IARS2: variants seen among roughly 807,000 people sequenced by gnomAD.
IARS2 encodes the protein isoleucyl-tRNA synthetase 2, mitochondrial, also known as isoleucine--tRNA ligase, mitochondrial.
Under a neutral mutation model 126.3 loss-of-function variants are expected in IARS2, and 56 were observed. The ratio of observed to expected loss-of-function variants is 0.44; its 90% CI spans 0.36 to 0.55. IARS2 has a LOEUF of 0.55. IARS2 is among the 20% of genes least tolerant of loss of function. The pLI, the probability that IARS2 is intolerant of heterozygous loss-of-function variation, is 0.00. For missense variants in IARS2, 1,127 were observed against 1,245.9 expected (o/e 0.90, Z 1.44); for synonymous variants, 407 against 441.1 (o/e 0.92, Z 0.97).
At chr1:220,140,332 G>A (rs1657460217) in intron 19 of IARS2, 43 bp downstream of exon 19, 4 of 1,214,970 alleles carry the variant, frequency 3.3e-6, no homozygotes, top group African/African-American at 3.0e-5. Context: ...ATGGCCAGGT[G>A]TGGTGACTCA....
chr1:220,100,537 A>G lies in IARS2; in HGVS notation c.438A>G (p.Lys146=), dbSNP rs1265443619. 1 of 1,613,394 alleles carries G rather than the reference A, an allele frequency of 6.2e-7. No individual in the cohort carries two copies. Among genetic ancestry groups the G allele is most frequent in the Admixed American group, 1.7e-5 (1 of 59,922 alleles). ...ANRFHMMNGS[K]IHFVPGWDCH... ...GATTCCATATGATGAATGGCTCCAA[A>G]ATACATTTTGTGCCCGGCTGGGATT... The change falls in exon 3 of 23, where the codon AAA becomes AAG. Residue 146 remains lysine (K), a synonymous_variant. Coordinates refer to ENST00000366922, the MANE Select transcript of IARS2 (RefSeq NM_018060.4).
chr1:220,125,008 A>G (rs1166694215), intron 12 of IARS2, among the ~76,000 whole-genome samples: 1 of 152,224 alleles, frequency 6.6e-6, no homozygotes, highest in Middle Eastern at 3.2e-3. Context: ...TGGATAGAAA[A>G]TAGATGAGTA....
At chr1:220,114,289 GA>G in intron 11 of IARS2, 24 bp from the exon 12 acceptor site, 1 of 1,600,276 alleles carries the variant, frequency 6.2e-7, no homozygotes. Flanking sequence ...TCTCTCACAA[GA>G]CTTGATTTAT....
At chr1:220,146,151 G>A (rs565808175) in intron 22 of IARS2, among the ~76,000 whole-genome samples, 4 of 152,126 alleles carry the variant, frequency 2.6e-5, no homozygotes, top group Admixed American at 6.5e-5. Flanking sequence ...GCATTTTGTC[G>A]ATATTTGTTT....
chr1:220,143,563 CA>C (rs1657530609), intron 21 of IARS2, among the ~76,000 whole-genome samples: 1 of 152,028 alleles, frequency 6.6e-6, no homozygotes, highest in Non-Finnish European at 1.5e-5. Flanking sequence ...ATTTAGAAGA[CA>C]GGGGACATAT....
intron 12 of IARS2, among the ~76,000 whole-genome samples, chr1:220,124,863 A>G (rs1657120775): frequency 6.6e-6 from 1 of 152,182 alleles, no homozygotes; most frequent in Non-Finnish European, 1.5e-5. Context: ...GTTTTGAGGG[A>G]ATGAGGTTGG....
chr1:220,146,830 C>G (rs1240409240), intron 22 of IARS2, among the ~76,000 whole-genome samples: 3 of 152,102 alleles, frequency 2.0e-5, no homozygotes, highest in Non-Finnish European at 4.4e-5. Context: ...TGCCACCACA[C>G]CCGGCCAATT....
intron 1 of IARS2, among the ~76,000 whole-genome samples, chr1:220,095,218 T>A (rs1656412927): frequency 6.6e-6 from 1 of 152,194 alleles, no homozygotes; most frequent in South Asian, 2.1e-4. Flanking sequence ...TTTATATTTT[T>A]AGTAGAGATG....
chr1:220,146,297 G>C (rs1376865465), intron 22 of IARS2, among the ~76,000 whole-genome samples: 1 of 151,922 alleles, frequency 6.6e-6, no homozygotes, highest in Admixed American at 6.6e-5. Context: ...CGGGCGGATC[G>C]TGAGGTCAGG....
At position 220,147,947 on chromosome 1, in the gene IARS2, C is replaced by T. The variant is rs532510408; in HGVS notation, c.*312C>T. 16 of 397,702 alleles carry T rather than the reference C, an allele frequency of 4.0e-5. No individual in the cohort carries two copies. The South Asian group carries it at 7.6e-4, about 19-fold the overall frequency. 24.6% of individuals were successfully genotyped at this position (397,702 alleles called of 1,614,324 possible). A position where few individuals can be genotyped will look rare whatever the true frequency, so the allele number is the denominator to read the frequency against. On this transcript the variant is annotated 3_prime_UTR_variant, in exon 23 of 23. Coordinates refer to ENST00000366922, the MANE Select transcript of IARS2 (RefSeq NM_018060.4). ...TATGTATTCAGCTTGTCTTCAAATA[C>T]GGCCAAGCAGAAAATGTTTTATATT...
At chr1:220,123,640 AT>A (rs1454513513) in intron 12 of IARS2, among the ~76,000 whole-genome samples, 1 of 151,732 alleles carries the variant, frequency 6.6e-6, no homozygotes, top group Non-Finnish European at 1.5e-5. Context: ...TGCCCGGCTA[AT>A]TTTTTTGTAT....
intron 18 of IARS2, among the ~76,000 whole-genome samples, chr1:220,139,360 A>G (rs1020723996): frequency 6.6e-6 from 1 of 152,202 alleles, no homozygotes; most frequent in African/African-American, 2.4e-5. Flanking sequence ...CTTTATCTGC[A>G]CATGTGCTCC....
At chr1:220,112,101 A>G (rs898377714) in intron 11 of IARS2, among the ~76,000 whole-genome samples, 33 of 146,702 alleles carry the variant, frequency 2.2e-4, no homozygotes, top group African/African-American at 7.7e-4. Context: ...TTTTGTTTTT[A>G]TCTACACCCC....
intron 12 of IARS2, among the ~76,000 whole-genome samples, chr1:220,122,483 T>C (rs549083216): frequency 6.6e-6 from 1 of 152,312 alleles, no homozygotes; most frequent in Non-Finnish European, 1.5e-5. Context: ...TCTTTATAGA[T>C]GAGTTAGAGA....
At chr1:220,099,609 G>C (rs929560875) in intron 2 of IARS2, among the ~76,000 whole-genome samples, 8 of 152,260 alleles carry the variant, frequency 5.3e-5, no homozygotes, top group Admixed American at 1.3e-4. Flanking sequence ...CGAAAGGCTG[G>C]AATTCATAGG....
At chr1:220,109,059 A>T (rs1656746574) in intron 10 of IARS2, among the ~76,000 whole-genome samples, 1 of 151,968 alleles carries the variant, frequency 6.6e-6, no homozygotes, top group African/African-American at 2.4e-5. Flanking sequence ...CAGAAACCTT[A>T]TCGGAAAGTG....
chr1:220,097,999 C>G (rs985141290), intron 2 of IARS2, among the ~76,000 whole-genome samples: 1 of 152,092 alleles, frequency 6.6e-6, no homozygotes, highest in African/African-American at 2.4e-5. Context: ...CTCAGTCTCC[C>G]GAGTAGCTGG....
At chr1:220,132,222 C>T (rs1181417685) in intron 14 of IARS2, among the ~76,000 whole-genome samples, 2 of 152,116 alleles carry the variant, frequency 1.3e-5, no homozygotes, top group African/African-American at 2.4e-5. Context: ...GAAGAGTTTC[C>T]TCCTCTTCGA....
chr1:220,133,772 A>G (rs1657314941), intron 14 of IARS2, among the ~76,000 whole-genome samples: 1 of 152,118 alleles, frequency 6.6e-6, no homozygotes, highest in African/African-American at 2.4e-5. Context: ...TATATATCCT[A>G]TGTATATATA....
Sources: gnomAD v4.1 joint callset for allele counts (sites outside exome capture counted in the v4.1 genomes callset) on GRCh38, gnomAD v4.1.1 for gene constraint, MANE v1.5 for transcripts, NCBI Gene and HGNC (gene_info 2026-07-23, HGNC 2026-07-21) for gene names.